TRIM37: variants seen among roughly 807,000 people sequenced by gnomAD.
The protein encoded by TRIM37 is E3 ubiquitin-protein ligase TRIM37.
In TRIM37, 80 loss-of-function variants were observed where a neutral mutation model predicts 129.8. That is an observed-to-expected ratio of 0.62 (90% confidence interval 0.51 to 0.74). The LOEUF is 0.74. Ranked by LOEUF, TRIM37 falls within the 30% of genes least tolerant of loss-of-function variation. The pLI is 0.00. For missense variants in TRIM37, 1,054 were observed against 1,176.5 expected (o/e 0.90, Z 1.52); for synonymous variants, 389 against 387.1 (o/e 1.00, Z -0.06).
chr17:58,993,613 G>A (rs1002093343), downstream of TRIM37, among the ~76,000 whole-genome samples: 16 of 152,160 alleles, frequency 1.1e-4, no homozygotes, highest in African/African-American at 3.6e-4. Context: ...TCAGATCAGC[G>A]GTAGCCAGGA....
At chr17:59,092,923 C>T (rs1048932665) in intron 2 of TRIM37, among the ~76,000 whole-genome samples, 1 of 152,042 alleles carries the variant, frequency 6.6e-6, no homozygotes, top group Admixed American at 6.6e-5. Flanking sequence ...GAGGCTGAGG[C>T]GGGTGGATCA....
rs2043297852 is a variant in TRIM37, at chr17:59,081,936, CCAAAAAA to C, written c.370-724_370-718del. Among the ~76,000 whole-genome samples the C allele has an allele frequency of 1.2e-4, 6 of 50,244 alleles. 1 individual carries two copies. The South Asian group carries it at 3.1e-3, about 26-fold the overall frequency. 33.0% of individuals were successfully genotyped at this position (50,244 alleles called of 152,430 possible). A position where few individuals can be genotyped will look rare whatever the true frequency, so the allele number is the denominator to read the frequency against. On this transcript the variant is annotated intron_variant, in intron 5 of 23. Transcript: ENST00000262294. The stretch of plus-strand genomic sequence containing the variant: ...AATAATAATTTTTTAATAATAAAAA[CCAAAAAA>C]AAAAAAAAATAAAAAAAAAAAAATA...
intron 2 of TRIM37, among the ~76,000 whole-genome samples, chr17:59,093,289 G>A (rs1041188656): frequency 2.6e-5 from 4 of 152,146 alleles, no homozygotes; most frequent in Non-Finnish European, 5.9e-5. Context: ...ACAATGGCAT[G>A]ACCATGCCAC....
intron 2 of TRIM37, among the ~76,000 whole-genome samples, chr17:59,103,714 C>G (rs1422471048): frequency 6.7e-6 from 1 of 150,194 alleles, no homozygotes; most frequent in Non-Finnish European, 1.5e-5. Flanking sequence ...GTGGCGCTCT[C>G]TCGGCTCACT....
intron 21 of TRIM37, among the ~76,000 whole-genome samples, chr17:59,013,921 G>A (rs1352800883): frequency 6.6e-6 from 1 of 151,894 alleles, no homozygotes; most frequent in Non-Finnish European, 1.5e-5. Context: ...GAACCAGGCT[G>A]GCAGATAAAA....
intron 13 of TRIM37, among the ~76,000 whole-genome samples, chr17:59,056,538 G>C (rs1481179089): frequency 6.6e-6 from 1 of 151,446 alleles, no homozygotes; most frequent in Non-Finnish European, 1.5e-5. Flanking sequence ...GACCATCCTG[G>C]CTAAAACAGT....
At chr17:59,037,084 C>T (rs1437396407) in intron 17 of TRIM37, among the ~76,000 whole-genome samples, 1 of 152,012 alleles carries the variant, frequency 6.6e-6, no homozygotes, top group East Asian at 1.9e-4. Flanking sequence ...CATTGCACTC[C>T]AGCCTGGGCA....
At chr17:59,096,682 C>T (rs2044920445) in intron 2 of TRIM37, among the ~76,000 whole-genome samples, 1 of 151,862 alleles carries the variant, frequency 6.6e-6, no homozygotes, top group African/African-American at 2.4e-5. Context: ...TTTCCAATGC[C>T]TAATCCTGCA....
At chr17:59,051,388 G>T in intron 13 of TRIM37, 60 bp from the exon 14 acceptor site, 1 of 1,219,428 alleles carries the variant, frequency 8.2e-7, no homozygotes, top group Non-Finnish European at 1.2e-6. Flanking sequence ...TATCAGTCTA[G>T]CACTGAATTC....
Position 59,009,737 on chromosome 17 carries a change from C to T in TRIM37, c.2695+2591G>A, listed in dbSNP as rs967958696. ...TTGGGACTACAGGCATGAGCCACTG[C>T]GCCCGGCCCTGGCCTTCCAATTTCT... On this transcript the variant is annotated intron_variant, in intron 22 of 23. Transcript: ENST00000262294. Among the ~76,000 whole-genome samples the T allele has an allele frequency of 7.2e-5, 11 of 152,256 alleles. No homozygotes were observed. In the East Asian group the frequency reaches 1.2e-3, roughly 16 times the overall value.
rs765616272 is a variant in TRIM37, at chr17:59,081,198, G to A, written c.391C>T (p.Pro131Ser). The change falls in exon 6 of 24, where the codon CCT becomes TCT. Residue 131 changes from proline (P) to serine (S), a missense_variant. By Grantham distance (74) the Pro-to-Ser change is moderately conservative (BLOSUM62 -1). This residue lies in a region of TRIM37 where 752 missense variants were observed against 870.8 expected (regional missense o/e 0.86). Coordinates refer to ENST00000262294, the MANE Select transcript of TRIM37 (RefSeq NM_015294.6). ...TGTTGCTCATAAATTTCTGCCAAAG[G>A]TTTAAAGGTATGTCCGCCATGCTAT... is the stretch of plus-strand genomic sequence containing the variant. ...GGMHGGHTFK[P>S]LAEIYEQHVT... 2.5e-6 allele frequency: 4 copies of A among 1,613,736 alleles called. No individual in the cohort carries two copies. Among genetic ancestry groups the A allele is most frequent in the East Asian group, 2.2e-5 (1 of 44,840 alleles).
intron 16 of TRIM37, among the ~76,000 whole-genome samples, chr17:59,045,871 C>A (rs1472395897): frequency 1.3e-5 from 2 of 151,818 alleles, no homozygotes; most frequent in Non-Finnish European, 2.9e-5. Context: ...AAAAAAATAG[C>A]CAGGCGTGGT....
chr17:59,067,300 C>T (rs1239032501), intron 9 of TRIM37, among the ~76,000 whole-genome samples: 3 of 152,146 alleles, frequency 2.0e-5, no homozygotes, highest in Admixed American at 6.5e-5. Flanking sequence ...ATTTTCTCCT[C>T]CTCTCTTAGA....
intron 9 of TRIM37, among the ~76,000 whole-genome samples, chr17:59,066,127 A>T (rs1412859603): frequency 1.3e-5 from 2 of 152,202 alleles, no homozygotes. Flanking sequence ...CCATTATATG[A>T]TCTCCTAGCA....
At chr17:58,985,158 A>AATTT (rs1336491781) in intron 24 of TRIM37, 4 of 152,664 alleles carry the variant, frequency 2.6e-5, no homozygotes, top group Non-Finnish European at 5.9e-5. Flanking sequence ...TATCTTAATA[A>AATTT]AACCTGGCAA....
chr17:59,072,862 T>C (rs1464944156), intron 8 of TRIM37, among the ~76,000 whole-genome samples: 1 of 151,992 alleles, frequency 6.6e-6, no homozygotes, highest in Non-Finnish European at 1.5e-5. Flanking sequence ...GACATAATGG[T>C]AAGTGGTAAC....
chr17:58,993,050 T>C (rs956553434), intron 24 of TRIM37, among the ~76,000 whole-genome samples: 4 of 152,128 alleles, frequency 2.6e-5, no homozygotes, highest in Non-Finnish European at 2.9e-5. Flanking sequence ...TGGGAGGTAA[T>C]TGAATCATGG....
At position 58,999,079 on chromosome 17, in the gene TRIM37, T is replaced by C; in HGVS notation, c.*298A>G. 1 of 1,202,318 alleles carries C rather than the reference T, an allele frequency of 8.3e-7. No individual in the cohort carries two copies. Among genetic ancestry groups the C allele is most frequent in the East Asian group, 5.1e-5 (1 of 19,734 alleles). The allele number at this position is 1,202,318 out of a possible 1,614,324, so 74.5% of individuals were successfully genotyped here. ...ACATTTTCTGGCAGTTAACCAGCCT[T>C]CTGCTGTAGTAGACAAACTGCCTTT... On this transcript the variant is annotated 3_prime_UTR_variant, in exon 24 of 24. Coordinates refer to ENST00000262294, the MANE Select transcript of TRIM37 (RefSeq NM_015294.6).
chr17:58,992,271 ATATATATATTTATATTTATATATATT>A (rs1466160594), intron 24 of TRIM37, among the ~76,000 whole-genome samples: 1 of 144,002 alleles, frequency 6.9e-6, no homozygotes, highest in African/African-American at 2.5e-5. Flanking sequence ...AAATATAAAT[ATATATATATTTATATTTATATATATT>A]TATATATATA....
Sources: allele counts gnomAD v4.1 joint callset (sites outside exome capture counted in the v4.1 genomes callset), GRCh38; gene constraint gnomAD v4.1.1; regional missense constraint gnomAD v4.1.1; transcripts MANE v1.5; gene names NCBI Gene and HGNC (gene_info 2026-07-23, HGNC 2026-07-21).